Variants in CYP51A1 observed in about 807,000 individuals in gnomAD.
CYP51A1 encodes cytochrome P450 family 51 subfamily A member 1.
A neutral mutation model predicts 53.5 loss-of-function variants in CYP51A1; 45 were observed. The observed-to-expected ratio is 0.84, with a 90% confidence interval of 0.66 to 1.08. The LOEUF (loss-of-function observed/expected upper bound fraction) is 1.08. Among genes scored for constraint, CYP51A1 ranks in the 50% least tolerant of loss-of-function variants. CYP51A1 has a pLI of 0.00. For synonymous variants in CYP51A1, 181 were observed against 217.7 expected (o/e 0.83, Z 1.48); for missense variants, 462 against 621.7 (o/e 0.74, Z 2.73).
chr7:92,125,718 G>A (rs1428483500), intron 5 of CYP51A1, among the ~76,000 whole-genome samples: 1 of 152,186 alleles, frequency 6.6e-6, no homozygotes, highest in Non-Finnish European at 1.5e-5. Flanking sequence ...AAACTAGGCT[G>A]GGCTCAGTGG....
At chr7:92,133,792 G>C (rs1043520502) in intron 1 of CYP51A1, among the ~76,000 whole-genome samples, 15 of 152,204 alleles carry the variant, frequency 9.9e-5, no homozygotes, top group Admixed American at 9.2e-4. Flanking sequence ...CGACCACCGG[G>C]TCGTTCAAAC....
At chr7:92,133,702 T>C (rs531535665) in intron 1 of CYP51A1, among the ~76,000 whole-genome samples, 12 of 152,152 alleles carry the variant, frequency 7.9e-5, no homozygotes, top group African/African-American at 2.4e-4. Context: ...CACAGAACAC[T>C]GAACCACACA....
chr7:92,118,485 G>A (rs1206505183), intron 8 of CYP51A1, 35 bp downstream of exon 8: 2 of 1,090,962 alleles, frequency 1.8e-6, no homozygotes, highest in Non-Finnish European at 2.8e-6. Context: ...TAAAAACTGG[G>A]GGTATAGAGG....
In CYP51A1 at chr7:92,117,101, A is replaced by C. The variant is rs1163959642; in HGVS notation, c.1294T>G (p.Tyr432Asp). Residue 432 changes from tyrosine to aspartate, a missense_variant, in exon 9 of 10, where the codon TAC becomes GAC. By Grantham distance (160) the Tyr-to-Asp change is radical. Coordinates refer to ENST00000003100, the MANE Select transcript of CYP51A1 (RefSeq NM_000786.4). ...CCTGATGCTGGGTTATCCTGTAAGT[A>C]GCGATCAGGATTAAAGTCCAGGCGT... ...VERLDFNPDRYLQDNPASGEK... is the reference protein window; with the variant it reads ...VERLDFNPDRDLQDNPASGEK... The C allele has an allele frequency of 1.5e-5, 25 of 1,614,106 alleles. No homozygotes were observed. Among genetic ancestry groups the C allele is most frequent in the Non-Finnish European group, 1.9e-5 (22 of 1,179,986 alleles).
intron 5 of CYP51A1, among the ~76,000 whole-genome samples, chr7:92,124,634 C>G (rs1819758248): frequency 1.3e-5 from 2 of 152,150 alleles, no homozygotes; most frequent in Non-Finnish European, 2.9e-5. Flanking sequence ...TCAACTGAAA[C>G]CATGTGTACA....
rs1305892196 is a variant in CYP51A1 at position 92,113,601 on chromosome 7, T to C, written c.*64A>G. 1.2e-5 allele frequency: 18 copies of C among 1,462,264 alleles called. No homozygotes were observed. Among genetic ancestry groups the C allele is most frequent in the African/African-American group, 4.2e-5 (3 of 70,724 alleles). 90.6% of individuals were successfully genotyped at this position (1,462,264 alleles called of 1,614,324 possible). The stretch of plus-strand genomic sequence containing the variant: ...TACAAGAGTTGTTTTGTACACTTCA[T>C]TCTCTTCGAATGCCTTTGTGGCTTA... On this transcript the variant is annotated 3_prime_UTR_variant, in exon 10 of 10. Coordinates refer to ENST00000003100, the MANE Select transcript of CYP51A1 (RefSeq NM_000786.4).
rs778926494 is a variant in CYP51A1, at chr7:92,134,211, G to A, written c.154C>T (p.Leu52=). The change falls in exon 1 of 10, where the codon CTG becomes TTG. Residue 52 remains leucine, a synonymous_variant. Transcript: ENST00000003100. ...AGCTGGACCAGGTGGCCGGCGGCCA[G>A]ACGGATCAGGTAGACCAGGCTGAGG... The part of the protein sequence containing the change: ...FTLSLVYLIR[L]AAGHLVQLPA... 1 of 1,612,998 alleles carries A rather than the reference G, an allele frequency of 6.2e-7. No individual in the cohort carries two copies. Among genetic ancestry groups the A allele is most frequent in the Non-Finnish European group, 8.5e-7 (1 of 1,179,768 alleles).
chr7:92,128,494 C>T (rs1189411849), intron 3 of CYP51A1, among the ~76,000 whole-genome samples: 1 of 144,540 alleles, frequency 6.9e-6, no homozygotes, highest in Non-Finnish European at 1.5e-5. Flanking sequence ...TTTTTTGTTT[C>T]TGTTTTTGAG....
At chr7:92,128,441 T>TGTGTGTGTGTGTGTGCGCGTGC (rs1290221730) in intron 3 of CYP51A1, among the ~76,000 whole-genome samples, 1 of 147,338 alleles carries the variant, frequency 6.8e-6, no homozygotes, top group Non-Finnish European at 1.5e-5. Flanking sequence ...TGTGTGTGTG[T>TGTGTGTGTGTGTGTGCGCGTGC]GTGTGTGTGT....
At chr7:92,128,457 C>A (rs12112261) in intron 3 of CYP51A1, among the ~76,000 whole-genome samples, 1 of 135,356 alleles carries the variant, frequency 7.4e-6, no homozygotes, top group Non-Finnish European at 1.6e-5. Context: ...TGTGTGTGTG[C>A]GCGTGCGTGT....
At chr7:92,125,050 A>AAG (rs1819769668) in intron 5 of CYP51A1, among the ~76,000 whole-genome samples, 1 of 150,916 alleles carries the variant, frequency 6.6e-6, no homozygotes, top group Non-Finnish European at 1.5e-5. Context: ...AGGCTGAGGC[A>AAG]GGAGAATGGC....
intron 7 of CYP51A1, among the ~76,000 whole-genome samples, chr7:92,119,925 C>A (rs1344179768): frequency 6.6e-6 from 1 of 151,510 alleles, no homozygotes; most frequent in African/African-American, 2.4e-5. Flanking sequence ...TTTAGAGAAC[C>A]AAATAGAAAT....
chr7:92,120,066 CAA>C (rs1427342331), intron 7 of CYP51A1, among the ~76,000 whole-genome samples: 1 of 152,046 alleles, frequency 6.6e-6, no homozygotes, highest in East Asian at 1.9e-4. Flanking sequence ...ATACATTTAA[CAA>C]GAGAAGTTTA....
rs1819928402 is a variant in CYP51A1, at chr7:92,131,886, A to G, written c.193-14T>C. ...TGGAGGACTTTTCTACAAGAGAAAA[A>G]AATAGTAAATTCAATTCGTGTTTCA... On this transcript the variant is annotated splice_polypyrimidine_tract_variant and intron_variant, in intron 1 of 9. Transcript: ENST00000003100. The G allele has an allele frequency of 7.0e-7, 1 of 1,421,712 alleles. No homozygotes were observed. The highest frequency in any genetic ancestry group is 1.7e-5 in the Admixed American group (1 of 59,232). The allele number at this position is 1,421,712 out of a possible 1,614,324, so 88.1% of individuals were successfully genotyped here.
At chr7:92,116,132 C>T (rs1819576150) in intron 9 of CYP51A1, among the ~76,000 whole-genome samples, 1 of 152,126 alleles carries the variant, frequency 6.6e-6, no homozygotes, top group South Asian at 2.1e-4. Flanking sequence ...ATTAGCTGAG[C>T]GTGGTGGTAC....
intron 2 of CYP51A1, 97 bp from the exon 3 acceptor site, chr7:92,129,153 AT>A (rs1490792137): frequency 1.6e-5 from 11 of 692,468 alleles, no homozygotes; most frequent in African/African-American, 1.1e-4. Context: ...TATTAAAAAA[AT>A]AAAAACATAT....
chr7:92,126,608 C>A (rs767271381), intron 4 of CYP51A1, among the ~76,000 whole-genome samples, 181 bp from the exon 5 acceptor site: 8 of 152,162 alleles, frequency 5.3e-5, no homozygotes, highest in Non-Finnish European at 1.5e-5. Flanking sequence ...ATGTGAAGCA[C>A]CCTGTCCCTC....
rs901677507 is a variant in CYP51A1, at chr7:92,112,233, G to GTT, written c.*1430_*1431dup. 1 of 152,108 alleles carries GTT rather than the reference G, an allele frequency of 6.6e-6. No homozygotes were observed. Among genetic ancestry groups the GTT allele is most frequent in the African/African-American group, 2.4e-5 (1 of 41,416 alleles). The allele number at this position is 152,108 out of a possible 1,614,324, so 9.4% of individuals were successfully genotyped here. A position where few individuals can be genotyped will look rare whatever the true frequency, so the allele number is the denominator to read the frequency against. ...TAGAGTTTAACATGAGTCTTCCAGT[G>GTT]TTTTAAAAAGAACTGTAATATACAT... On this transcript the variant is annotated 3_prime_UTR_variant, in exon 10 of 10. Coordinates refer to ENST00000003100, the MANE Select transcript of CYP51A1 (RefSeq NM_000786.4).
Position 92,117,215 on chromosome 7 carries a change from A to G in CYP51A1, c.1183-3T>C. 6.2e-7 allele frequency: 1 copy of G among 1,607,774 alleles called. No individual in the cohort carries two copies. Among genetic ancestry groups the G allele is most frequent in the Non-Finnish European group, 8.5e-7 (1 of 1,177,814 alleles). ...GGAATGGTATACCCTGCCACAGTCT[A>G]TAAACAAAAGCCACACATTTCATTA... On this transcript the variant is annotated splice_polypyrimidine_tract_variant and splice_region_variant and intron_variant, in intron 8 of 9. Transcript: ENST00000003100.
Sources: gnomAD v4.1 joint callset for allele counts (sites outside exome capture counted in the v4.1 genomes callset) on GRCh38, gnomAD v4.1.1 for gene constraint, MANE v1.5 for transcripts, NCBI Gene and HGNC (gene_info 2026-07-23, HGNC 2026-07-21) for gene names.